Variants in RAP1GAP2 observed in about 807,000 individuals in gnomAD.
RAP1GAP2 encodes the protein RAP1 GTPase activating protein 2.
In RAP1GAP2, 27 loss-of-function variants were observed where a neutral mutation model predicts 95.0. The observed-to-expected ratio is 0.28, with a 90% CI of 0.21 to 0.39. The LOEUF is 0.39. Among genes scored for constraint, RAP1GAP2 ranks in the 10% least tolerant of loss-of-function variants. The pLI is 1.00. For missense variants in RAP1GAP2, 771 were observed against 970.0 expected, an observed-to-expected ratio of 0.79 and a Z score of 2.72; for synonymous variants, 373 against 380.9, an observed-to-expected ratio of 0.98 and a Z score of 0.24.
intron 3 of RAP1GAP2, among the ~76,000 whole-genome samples, chr17:2,942,925 C>T (rs4790391): frequency 0.78 from 118,497 of 151,888 alleles, 46,439 homozygotes; most frequent in Middle Eastern, 0.83. Flanking sequence ...TCACCACCCA[C>T]GCCTAGCTAA....
rs1374541962 is a variant in RAP1GAP2 at position 2,866,564 on chromosome 17, T to C, written c.81-38720T>C. Reference sequence around the variant, plus strand: ...TGAGGCAGTAGATAATACCCCCAAATGTCCCTTCTGATTGGTAATTTATTT... The same window carrying C: ...TGAGGCAGTAGATAATACCCCCAAACGTCCCTTCTGATTGGTAATTTATTT... On this transcript the variant is annotated intron_variant, in intron 2 of 24. Transcript: ENST00000254695. This position sits in a 1 kb window ranked among gnomAD's most constrained non-coding sequence, Gnocchi z 4.0. Among the ~76,000 whole-genome samples, 1 of 152,184 alleles carries C rather than the reference T, an allele frequency of 6.6e-6. No homozygotes were observed. Among genetic ancestry groups the C allele is most frequent in the East Asian group, 1.9e-4 (1 of 5,196 alleles).
rs1188920080 is a variant in RAP1GAP2 at position 2,800,440 on chromosome 17, G to T, written c.45-75G>T. On this transcript the variant is annotated intron_variant, in intron 1 of 24. Coordinates refer to ENST00000254695, the MANE Select transcript of RAP1GAP2 (RefSeq NM_015085.5). ...GTCTGGTGGTTTGGGCTGTCCCGGGGACTCCTCCATACAGATGCTATGTAG... is the reference window on the plus strand; with the variant it reads ...GTCTGGTGGTTTGGGCTGTCCCGGGTACTCCTCCATACAGATGCTATGTAG... 1.0e-5 allele frequency: 11 copies of T among 1,060,084 alleles called. No individual in the cohort carries two copies. The South Asian group carries it at 1.7e-4, about 16-fold the overall frequency. The allele number at this position is 1,060,084 out of a possible 1,614,324, so 65.7% of individuals were successfully genotyped here. A position where few individuals can be genotyped will look rare whatever the true frequency, so the allele number is the denominator to read the frequency against.
At chr17:2,853,748 G>A (rs1413789381) in intron 2 of RAP1GAP2, among the ~76,000 whole-genome samples, 1 of 142,754 alleles carries the variant, frequency 7.0e-6, no homozygotes, top group Admixed American at 6.9e-5. Context: ...AGCGAGCCTC[G>A]GAAATGCCCG....
At chr17:2,913,212 CA>C (rs953743996) in intron 3 of RAP1GAP2, among the ~76,000 whole-genome samples, 1 of 151,898 alleles carries the variant, frequency 6.6e-6, no homozygotes, top group African/African-American at 2.4e-5. Context: ...AAGATGTCTG[CA>C]TGTGCACCTA....
At position 2,857,148 on chromosome 17, in the gene RAP1GAP2, T is replaced by C. The variant is rs1469880707; in HGVS notation, c.81-48136T>C. On this transcript the variant is annotated intron_variant, in intron 2 of 24. Transcript: ENST00000254695. This position sits in a 1 kb window ranked among gnomAD's most constrained non-coding sequence, Gnocchi z 4.0. Reference sequence around the variant, plus strand: ...GGTGGGGTCAGGCTCAGGCCCCTTCTTCTCCTCCCAGAAGGCTTGATCCAT... The same window carrying C: ...GGTGGGGTCAGGCTCAGGCCCCTTCCTCTCCTCCCAGAAGGCTTGATCCAT... 6.6e-6 allele frequency among the ~76,000 whole-genome samples: 1 copy of C among 152,068 alleles called. No homozygotes were observed. The highest frequency in any genetic ancestry group is 6.5e-5 in the Admixed American group (1 of 15,272).
chr17:2,952,424 C>T (rs1372615000), intron 3 of RAP1GAP2, among the ~76,000 whole-genome samples: 2 of 152,180 alleles, frequency 1.3e-5, no homozygotes, highest in Non-Finnish European at 2.9e-5. Flanking sequence ...CATCCTTGTA[C>T]ATGTGTTCTT....
chr17:2,792,242 CAG>C (rs1438359139), upstream of RAP1GAP2, among the ~76,000 whole-genome samples: 2 of 152,220 alleles, frequency 1.3e-5, no homozygotes, highest in African/African-American at 4.8e-5. Flanking sequence ...AGAGGAATCA[CAG>C]GGTCAGAGCA....
intron 1 of RAP1GAP2, among the ~76,000 whole-genome samples, chr17:2,798,314 C>T (rs899879988): frequency 2.0e-5 from 3 of 152,176 alleles, no homozygotes; most frequent in African/African-American, 4.8e-5. Flanking sequence ...CCGTCGCGTT[C>T]ACCTGGAAGC....
chr17:2,897,921 CTTTTTT>C (rs139128312), intron 2 of RAP1GAP2, among the ~76,000 whole-genome samples: 3 of 135,192 alleles, frequency 2.2e-5, no homozygotes, highest in African/African-American at 2.8e-5. Context: ...TCTGCGGAGT[CTTTTTT>C]TTTTTTTTTT....
intron 2 of RAP1GAP2, among the ~76,000 whole-genome samples, chr17:2,850,328 A>C (rs1237348082): frequency 6.6e-6 from 1 of 151,996 alleles, no homozygotes; most frequent in Non-Finnish European, 1.5e-5. Flanking sequence ...AGGTACTTCA[A>C]GCTTAGAGCC....
chr17:2,949,179 G>A (rs1380828705), intron 3 of RAP1GAP2, among the ~76,000 whole-genome samples: 2 of 152,172 alleles, frequency 1.3e-5, no homozygotes, highest in Non-Finnish European at 2.9e-5. Context: ...GGCTGTGAAC[G>A]CAGAGTCCAC....
At chr17:2,820,272 C>G (rs577301661) in intron 2 of RAP1GAP2, among the ~76,000 whole-genome samples, 38 of 152,182 alleles carry the variant, frequency 2.5e-4, no homozygotes, top group African/African-American at 8.2e-4. Context: ...TGAGGGGTAC[C>G]TAGAGGTGGG....
intron 14 of RAP1GAP2, among the ~76,000 whole-genome samples, chr17:3,000,439 GGC>G (rs1491005285): frequency 7.4e-5 from 11 of 149,612 alleles, no homozygotes; most frequent in East Asian, 2.0e-4. Context: ...CCGGAGAAGG[GGC>G]AGAAGAAGCA....
At chr17:2,783,634 G>A (rs2068707357) in intron 1 of RAP1GAP2, among the ~76,000 whole-genome samples, 1 of 152,210 alleles carries the variant, frequency 6.6e-6, no homozygotes, top group African/African-American at 2.4e-5. Flanking sequence ...ATCTAATGCT[G>A]CTTAATAAAC....
chr17:2,825,643 T>A lies in RAP1GAP2; in HGVS notation c.80+25093T>A, dbSNP rs75015218. 1.2e-3 allele frequency among the ~76,000 whole-genome samples: 188 copies of A among 152,182 alleles called. No individual in the cohort carries two copies. The highest frequency in any genetic ancestry group is 4.4e-3 in the African/African-American group (183 of 41,568). The stretch of plus-strand genomic sequence containing the variant: ...AAAGTGAAGATAAGGAGCGTCCCTG[T>A]CTCACAGGGATGTTTGAGGATGAAA... On this transcript the variant is annotated intron_variant, in intron 2 of 24. Coordinates refer to ENST00000254695, the MANE Select transcript of RAP1GAP2 (RefSeq NM_015085.5). The surrounding 1 kb of genome is among the most constrained non-coding windows in gnomAD (Gnocchi z 4.1).
intron 2 of RAP1GAP2, among the ~76,000 whole-genome samples, chr17:2,860,334 C>T (rs1340895325): frequency 6.6e-6 from 1 of 152,132 alleles, no homozygotes; most frequent in African/African-American, 2.4e-5. Context: ...CAAACACCTC[C>T]CTTTAGCCAG....
At chr17:2,973,559 A>G (rs2044965097) in intron 8 of RAP1GAP2, among the ~76,000 whole-genome samples, 1 of 152,236 alleles carries the variant, frequency 6.6e-6, no homozygotes, top group African/African-American at 2.4e-5. Context: ...AACTCAAGAA[A>G]TAATTGTAGA....
At position 3,004,961 on chromosome 17, in the gene RAP1GAP2, G is replaced by A. The variant is rs1252995674; in HGVS notation, c.1201-408G>A. The stretch of plus-strand genomic sequence containing the variant: ...CGGCTAATCACCTGTGGGACTTGGG[G>A]GCTTCTCTGTGTGTCTCTGGGCATC... On this transcript the variant is annotated intron_variant, in intron 14 of 24. Transcript: ENST00000254695. This position sits in a 1 kb window ranked among gnomAD's most constrained non-coding sequence, Gnocchi z 4.1. Among the ~76,000 whole-genome samples the A allele has an allele frequency of 6.6e-6, 1 of 152,130 alleles. No individual in the cohort carries two copies. Among genetic ancestry groups the A allele is most frequent in the Non-Finnish European group, 1.5e-5 (1 of 68,026 alleles).
chr17:2,992,351 G>A (rs1180952185), intron 12 of RAP1GAP2, among the ~76,000 whole-genome samples: 8 of 151,784 alleles, frequency 5.3e-5, no homozygotes, highest in East Asian at 1.9e-4. Flanking sequence ...TGGTAGAGAC[G>A]GGGTTTCACC....
Sources: gnomAD v4.1 joint callset for allele counts (sites outside exome capture counted in the v4.1 genomes callset) on GRCh38, gnomAD v4.1.1 for gene constraint, Gnocchi (gnomAD v3.1) non-coding constraint, MANE v1.5 for transcripts, NCBI Gene and HGNC (gene_info 2026-07-23, HGNC 2026-07-21) for gene names.